Variants in LRRC49 observed in about 807,000 individuals in gnomAD.
LRRC49 encodes the protein leucine-rich repeat-containing protein 49.
Under a neutral mutation model 83.3 loss-of-function variants are expected in LRRC49, and 50 were observed. The observed-to-expected ratio is 0.60, with a 90% CI of 0.48 to 0.76. The LOEUF (loss-of-function observed/expected upper bound fraction) is 0.76, where lower values mean the gene tolerates loss of function less well. LRRC49 is among the 30% of genes least tolerant of loss of function. LRRC49 has a pLI of 0.00. For synonymous variants in LRRC49, 286 were observed against 283.3 expected (o/e 1.01, Z -0.10); for missense variants, 704 against 809.1 (o/e 0.87, Z 1.58).
At chr15:70,903,939 G>C (rs183735468) in intron 4 of LRRC49, among the ~76,000 whole-genome samples, 12 of 152,128 alleles carry the variant, frequency 7.9e-5, no homozygotes, top group Admixed American at 2.6e-4. Flanking sequence ...TCAAAGTGTT[G>C]AGCATGTAAA....
upstream of LRRC49, chr15:70,892,725 A>G (rs1567038819): frequency 6.7e-7 from 1 of 1,488,932 alleles, no homozygotes; most frequent in South Asian, 1.4e-5. Flanking sequence ...AGAAGCTGCA[A>G]CGACTGTGTG....
At chr15:71,039,196 A>G (rs530235298) in intron 15 of LRRC49, among the ~76,000 whole-genome samples, 1 of 152,314 alleles carries the variant, frequency 6.6e-6, no homozygotes, top group East Asian at 1.9e-4. Context: ...AACTATAAGC[A>G]GGTCATTGTT....
intron 5 of LRRC49, among the ~76,000 whole-genome samples, chr15:70,906,144 T>A (rs2034302150): frequency 1.3e-5 from 2 of 149,864 alleles, no homozygotes; most frequent in African/African-American, 4.9e-5. Flanking sequence ...GTCACCAGGC[T>A]GGAGTGCAGT....
In LRRC49 at chr15:71,037,338, A is replaced by G. The variant is rs371835073; in HGVS notation, c.1857+6A>G. ...TTTATAATGAAAAGCTAGAGGTAAA[A>G]CTACTGTTAATCTTTGCGATCTAAT... On this transcript the variant is annotated splice_donor_region_variant and intron_variant, in intron 15 of 15. Coordinates refer to ENST00000260382, the MANE Select transcript of LRRC49 (RefSeq NM_017691.5). 6.3e-7 allele frequency: 1 copy of G among 1,589,328 alleles called. No individual in the cohort carries two copies. Among genetic ancestry groups the G allele is most frequent in the African/African-American group, 1.4e-5 (1 of 73,320 alleles).
intron 9 of LRRC49, 48 bp from the exon 10 acceptor site, chr15:70,980,053 A>G: frequency 8.1e-7 from 1 of 1,239,474 alleles, no homozygotes; most frequent in Non-Finnish European, 1.2e-6. Context: ...ATTTAGCATT[A>G]AAAAATGGTT....
chr15:70,943,823 C>T (rs749208435), intron 8 of LRRC49, among the ~76,000 whole-genome samples: 1 of 152,112 alleles, frequency 6.6e-6, no homozygotes, highest in Non-Finnish European at 1.5e-5. Context: ...TGGGAGACTG[C>T]CTTTCCCTGG....
chr15:71,004,330 T>C (rs1182602547), intron 11 of LRRC49, among the ~76,000 whole-genome samples: 2 of 152,134 alleles, frequency 1.3e-5, no homozygotes, highest in African/African-American at 4.8e-5. Flanking sequence ...TGTATGTTCA[T>C]TGCAGCACTA....
rs557747938 is a variant in LRRC49 at position 70,989,426 on chromosome 15, G to A, written c.1169+5169G>A. Among the ~76,000 whole-genome samples, 27 of 151,864 alleles carry A rather than the reference G, an allele frequency of 1.8e-4. No individual in the cohort carries two copies. In the East Asian group the frequency reaches 4.4e-3, roughly 25 times the overall value. ...ATCCTTTCTTCCAGTTGATCGCATCGGCTCCTGAGGCTTCTGCATTCTTCA... is the reference window on the plus strand; with the variant it reads ...ATCCTTTCTTCCAGTTGATCGCATCAGCTCCTGAGGCTTCTGCATTCTTCA... On this transcript the variant is annotated intron_variant, in intron 11 of 15. Coordinates refer to ENST00000260382, the MANE Select transcript of LRRC49 (RefSeq NM_017691.5).
At chr15:70,901,915 A>G (rs548448175) in intron 4 of LRRC49, among the ~76,000 whole-genome samples, 1 of 152,254 alleles carries the variant, frequency 6.6e-6, no homozygotes. Flanking sequence ...CCCAATCTCT[A>G]TCTACCCCAG....
rs375526332 is a variant in LRRC49, at chr15:70,959,536, GGGAAGGAAGGAAGGAAGGAAGGAA to G, written c.774-4206_774-4183del. Among the ~76,000 whole-genome samples the G allele has an allele frequency of 7.1e-3, 563 of 79,594 alleles. 6 individuals are homozygous for G. Among genetic ancestry groups the G allele is most frequent in the African/African-American group, 8.0e-3 (148 of 18,524 alleles). The allele number at this position is 79,594 out of a possible 152,430, so 52.2% of individuals were successfully genotyped here. A position where few individuals can be genotyped will look rare whatever the true frequency, so the allele number is the denominator to read the frequency against. On this transcript the variant is annotated intron_variant, in intron 8 of 15. Transcript: ENST00000260382. ...AGGGAGGGAGGGAGGGAGGAAAGGA[GGGAAGGAAGGAAGGAAGGAAGGAA>G]GGAAGGAAGGAAGGAAGGAAGGAAG...
intron 14 of LRRC49, among the ~76,000 whole-genome samples, chr15:71,028,831 CTCTTT>C (rs1343533003): frequency 6.6e-6 from 1 of 152,044 alleles, no homozygotes; most frequent in Non-Finnish European, 1.5e-5. Flanking sequence ...TGATTCCTCT[CTCTTT>C]TCTTCTTTAT....
intron 8 of LRRC49, among the ~76,000 whole-genome samples, chr15:70,944,263 T>C (rs778826345): frequency 1.2e-4 from 18 of 152,206 alleles, no homozygotes; most frequent in Non-Finnish European, 2.6e-4. Flanking sequence ...CTTGTCTTCC[T>C]AATGTAAACA....
intron 2 of LRRC49, among the ~76,000 whole-genome samples, chr15:70,879,850 A>AT (rs1402171621): frequency 6.6e-6 from 1 of 152,188 alleles, no homozygotes; most frequent in East Asian, 1.9e-4. Flanking sequence ...AAGTCCAATG[A>AT]TTTTTTAAAC....
In LRRC49 at chr15:70,987,534, T is replaced by C. The variant is rs555032562; in HGVS notation, c.1169+3277T>C. On this transcript the variant is annotated intron_variant, in intron 11 of 15. Coordinates refer to ENST00000260382, the MANE Select transcript of LRRC49 (RefSeq NM_017691.5). ...ATTTGATTCTTCTCTCTTTTCTTCT[T>C]TATTAGTCTTGCTAGCGGTCTATCA... 2.1e-3 allele frequency among the ~76,000 whole-genome samples: 326 copies of C among 152,256 alleles called. 2 individuals carry two copies. The highest frequency in any genetic ancestry group is 3.8e-3 in the Non-Finnish European group (260 of 68,016).
intron 11 of LRRC49, among the ~76,000 whole-genome samples, chr15:71,005,455 G>A (rs2038424369): frequency 6.6e-6 from 1 of 152,094 alleles, no homozygotes; most frequent in Non-Finnish European, 1.5e-5. Flanking sequence ...TATCCCCAAT[G>A]CTTAACACAA....
At chr15:70,860,216 TGGAGGAG>T in intron 1 of LRRC49, 1 of 601,316 alleles carries the variant, frequency 1.7e-6, no homozygotes, top group African/African-American at 2.1e-5. Flanking sequence ...CCCAGGGCCC[TGGAGGAG>T]GCCGCTGTGC....
chr15:71,031,539 C>G lies in LRRC49; in HGVS notation c.1704-5640C>G, dbSNP rs143803595. The stretch of plus-strand genomic sequence containing the variant: ...CTCGTGCACTGTGCTGGGAGAATCC[C>G]TCTTGTCAGGATCAGCTGCTGTCTT... On this transcript the variant is annotated intron_variant, in intron 14 of 15. Coordinates refer to ENST00000260382, the MANE Select transcript of LRRC49 (RefSeq NM_017691.5). 2.7e-3 allele frequency among the ~76,000 whole-genome samples: 414 copies of G among 152,308 alleles called. 3 individuals carry two copies. The highest frequency in any genetic ancestry group is 0.01 in the Admixed American group (155 of 15,292).
At chr15:70,951,053 A>G (rs2036198971) in intron 8 of LRRC49, among the ~76,000 whole-genome samples, 1 of 152,132 alleles carries the variant, frequency 6.6e-6, no homozygotes, top group Non-Finnish European at 1.5e-5. Context: ...GACTTTGTCA[A>G]TGATCAGGTA....
intron 1 of LRRC49, chr15:70,872,763 G>A (rs2033076102): frequency 6.0e-6 from 1 of 166,722 alleles, no homozygotes; most frequent in Admixed American, 5.8e-5. Flanking sequence ...CCACTGAGGA[G>A]AGTGATTTGC....
Sources: gnomAD v4.1 joint callset for allele counts (sites outside exome capture counted in the v4.1 genomes callset) on GRCh38, gnomAD v4.1.1 for gene constraint, MANE v1.5 for transcripts, NCBI Gene and HGNC (gene_info 2026-07-23, HGNC 2026-07-21) for gene names.